Variants in ITK observed in about 807,000 individuals in gnomAD.
The protein encoded by ITK is tyrosine-protein kinase ITK/TSK.
In ITK, 45 loss-of-function variants were observed where a neutral mutation model predicts 87.6. The ratio of observed to expected loss-of-function variants is 0.51; its 90% confidence interval spans 0.40 to 0.66. The LOEUF (loss-of-function observed/expected upper bound fraction) is 0.66, where lower values mean the gene tolerates loss of function less well. ITK is among the 30% of genes least tolerant of loss of function. The pLI is 0.00. For synonymous variants in ITK, 303 were observed against 273.6 expected (o/e 1.11, Z -1.06); for missense variants, 605 against 766.3 (o/e 0.79, Z 2.48).
At chr5:157,204,944 TC>T (rs1754050993) in intron 1 of ITK, among the ~76,000 whole-genome samples, 1 of 152,154 alleles carries the variant, frequency 6.6e-6, no homozygotes, top group South Asian at 2.1e-4. Flanking sequence ...AGCTACTAAA[TC>T]AAAGATCAGC....
rs1335459963 is a variant in ITK, at chr5:157,248,928, T to C, written c.1712T>C (p.Ile571Thr). Residue 571 changes from isoleucine to threonine, a missense_variant, in exon 16 of 17, where the codon ATC becomes ACC. This residue lies in a region of ITK where 71 missense variants were observed against 65.8 expected (regional missense o/e 1.08). Coordinates refer to ENST00000422843, the MANE Select transcript of ITK (RefSeq NM_005546.4). ...NRSNSEVVED[I>T]STGFRLYKPR... ...AGCAACTCAGAGGTGGTGGAAGACA[T>C]CAGTACCGGATTTCGGTTGTACAAG... The C allele has an allele frequency of 6.2e-7, 1 of 1,613,854 alleles. No homozygotes were observed. Among genetic ancestry groups the C allele is most frequent in the Non-Finnish European group, 8.5e-7 (1 of 1,179,818 alleles).
intron 4 of ITK, among the ~76,000 whole-genome samples, chr5:157,216,059 T>C (rs1206054105): frequency 1.3e-5 from 2 of 152,220 alleles, no homozygotes; most frequent in East Asian, 3.9e-4. Context: ...ACTGTGCTAA[T>C]GGTTTTGCTT....
intron 1 of ITK, among the ~76,000 whole-genome samples, chr5:157,185,619 G>A (rs530534485): frequency 4.6e-5 from 7 of 151,930 alleles, no homozygotes; most frequent in African/African-American, 1.4e-4. Context: ...GCCTAGGTGG[G>A]CGGATCACTT....
chr5:157,198,142 G>T (rs901006754), intron 1 of ITK, among the ~76,000 whole-genome samples: 3 of 148,616 alleles, frequency 2.0e-5, no homozygotes, highest in Non-Finnish European at 3.0e-5. Context: ...AAAAAGGAAA[G>T]AAAGAAAGCT....
At chr5:157,228,155 C>G (rs1754575280) in intron 6 of ITK, 141 bp from the exon 7 acceptor site, 1 of 673,480 alleles carries the variant, frequency 1.5e-6, no homozygotes, top group Non-Finnish European at 2.7e-6. Context: ...TTCTTGTATT[C>G]TAAACTTTAA....
intron 1 of ITK, among the ~76,000 whole-genome samples, chr5:157,194,699 T>C (rs1753818686): frequency 6.6e-6 from 1 of 152,250 alleles, no homozygotes; most frequent in African/African-American, 2.4e-5. Flanking sequence ...ATGTCTTTAA[T>C]AGTTATGTAT....
chr5:157,239,986 C>T (rs1754855289), intron 9 of ITK, 76 bp from the exon 10 acceptor site: 1 of 1,413,508 alleles, frequency 7.1e-7, no homozygotes, highest in Non-Finnish European at 9.9e-7. Context: ...ATAATAAGAA[C>T]TTAATACTCG....
At chr5:157,190,902 G>A (rs879619907) in intron 1 of ITK, among the ~76,000 whole-genome samples, 10 of 152,202 alleles carry the variant, frequency 6.6e-5, no homozygotes, top group Non-Finnish European at 1.2e-4. Context: ...ATGGCAAGGA[G>A]TTTGGATTTG....
At chr5:157,207,291 A>T (rs1580884373) in intron 1 of ITK, among the ~76,000 whole-genome samples, 1 of 150,294 alleles carries the variant, frequency 6.7e-6, no homozygotes, top group East Asian at 2.0e-4. Context: ...CACCTCGCCC[A>T]TTCTGATACA....
intron 8 of ITK, among the ~76,000 whole-genome samples, chr5:157,234,868 G>A (rs893034299): frequency 6.6e-6 from 1 of 152,038 alleles, no homozygotes; most frequent in South Asian, 2.1e-4. Flanking sequence ...AACCACCATG[G>A]CACATGTATA....
At chr5:157,221,198 G>T (rs1167515942) in intron 5 of ITK, among the ~76,000 whole-genome samples, 1 of 151,978 alleles carries the variant, frequency 6.6e-6, no homozygotes, top group Non-Finnish European at 1.5e-5. Context: ...TGGCAGGTAG[G>T]ATCCATTGGA....
At chr5:157,252,356 G>T (rs1353467692) in intron 16 of ITK, among the ~76,000 whole-genome samples, 3 of 152,104 alleles carry the variant, frequency 2.0e-5, no homozygotes, top group Non-Finnish European at 4.4e-5. Flanking sequence ...ACAAAACTGA[G>T]GTTCAAAGAG....
In ITK at chr5:157,248,831, T is replaced by C. The variant is rs1468577971; in HGVS notation, c.1634-19T>C. On this transcript the variant is annotated intron_variant, in intron 15 of 16. Transcript: ENST00000422843. ...GTGGGCTTTGTCATTCACTGTGCTG[T>C]GCTCACCATTTCTTGTAGGTGTGCT... 1 of 1,613,960 alleles carries C rather than the reference T, an allele frequency of 6.2e-7. No individual in the cohort carries two copies. The highest frequency in any genetic ancestry group is 1.1e-5 in the South Asian group (1 of 91,076).
chr5:157,237,672 T>G (rs1012149986), intron 8 of ITK, among the ~76,000 whole-genome samples: 1 of 152,250 alleles, frequency 6.6e-6, no homozygotes, highest in Non-Finnish European at 1.5e-5. Context: ...AGGCTGGGCT[T>G]TGCTCACATA....
intron 8 of ITK, among the ~76,000 whole-genome samples, chr5:157,237,786 T>A (rs1754807070): frequency 6.6e-6 from 1 of 152,166 alleles, no homozygotes; most frequent in Non-Finnish European, 1.5e-5. Context: ...GATACCAATA[T>A]CCAGATGGCA....
At chr5:157,200,283 CAAGAA>C (rs761877793) in intron 1 of ITK, among the ~76,000 whole-genome samples, 8 of 152,068 alleles carry the variant, frequency 5.3e-5, no homozygotes, top group South Asian at 2.1e-4. Flanking sequence ...TGAACGTGGC[CAAGAA>C]AAGAGACAAG....
intron 7 of ITK, among the ~76,000 whole-genome samples, chr5:157,231,693 T>A (rs1446834633): frequency 1.3e-5 from 2 of 152,124 alleles, no homozygotes; most frequent in African/African-American, 4.8e-5. Context: ...GGCTAAATAT[T>A]GTTAACAACA....
chr5:157,212,991 T>C (rs1018994935), intron 3 of ITK, among the ~76,000 whole-genome samples: 1 of 152,182 alleles, frequency 6.6e-6, no homozygotes, highest in African/African-American at 2.4e-5. Context: ...CTGTGGTTGG[T>C]TCATTTATTT....
chr5:157,221,277 A>T (rs2113760039), intron 5 of ITK, among the ~76,000 whole-genome samples: 1 of 152,202 alleles, frequency 6.6e-6, no homozygotes, highest in Non-Finnish European at 1.5e-5. Flanking sequence ...ACCACCAGTG[A>T]TATAATTTTC....
Sources: gnomAD v4.1 joint callset for allele counts (sites outside exome capture counted in the v4.1 genomes callset) on GRCh38, gnomAD v4.1.1 for gene constraint, gnomAD v4.1.1 regional missense constraint, MANE v1.5 for transcripts, NCBI Gene and HGNC (gene_info 2026-07-23, HGNC 2026-07-21) for gene names.